The following FYN variants were observed in gnomAD, a reference collection of about 807,000 sequenced individuals.
The protein encoded by FYN is FYN proto-oncogene, Src family tyrosine kinase, also known as tyrosine-protein kinase Fyn.
In FYN, 10 loss-of-function variants were observed where a neutral mutation model predicts 70.2. That is an observed-to-expected ratio of 0.14 (90% CI 0.09 to 0.24). The LOEUF (loss-of-function observed/expected upper bound fraction) is 0.24, where lower values mean the gene tolerates loss of function less well. Among genes scored for constraint, FYN ranks in the 10% least tolerant of loss-of-function variants. The pLI is 1.00. For synonymous variants in FYN, 236 were observed against 248.6 expected (o/e 0.95, Z 0.48); for missense variants, 319 against 673.1 (o/e 0.47, Z 5.82).
At chr6:111,850,471 C>A (rs9384812) in intron 1 of FYN, among the ~76,000 whole-genome samples, 4,742 of 152,282 alleles carry the variant, frequency 0.031, 114 homozygotes, top group East Asian at 0.13. Flanking sequence ...ACCTCAGAAC[C>A]GTACGTGGAG....
chr6:111,821,941 C>T (rs1214744045), intron 2 of FYN, among the ~76,000 whole-genome samples: 6 of 149,582 alleles, frequency 4.0e-5, no homozygotes, highest in Non-Finnish European at 8.8e-5. Flanking sequence ...TACCATCTCA[C>T]ACCAGTCAGA....
At chr6:111,696,577 G>T in intron 9 of FYN, 121 bp from the exon 10 acceptor site, 1 of 734,692 alleles carries the variant, frequency 1.4e-6, no homozygotes, top group Non-Finnish European at 2.0e-6. Flanking sequence ...TACAGTTTTT[G>T]TTGAACAAAG....
At chr6:111,738,015 C>G (rs1003332637) in intron 3 of FYN, among the ~76,000 whole-genome samples, 1 of 152,174 alleles carries the variant, frequency 6.6e-6, no homozygotes, top group Non-Finnish European at 1.5e-5. Flanking sequence ...TCATTTTCAA[C>G]CTAAACAACA....
intron 3 of FYN, among the ~76,000 whole-genome samples, chr6:111,756,124 T>C (rs1452621117): frequency 6.6e-6 from 1 of 152,016 alleles, no homozygotes; most frequent in Non-Finnish European, 1.5e-5. Context: ...AATACAGAGA[T>C]GTTACAAATA....
chr6:111,798,076 C>T (rs1053863664), intron 2 of FYN, among the ~76,000 whole-genome samples: 3 of 152,062 alleles, frequency 2.0e-5, no homozygotes, highest in Non-Finnish European at 2.9e-5. Context: ...AGTTTAAATA[C>T]ATCTTAACAT....
At chr6:111,720,608 C>G (rs1231776649) in intron 3 of FYN, among the ~76,000 whole-genome samples, 1 of 152,028 alleles carries the variant, frequency 6.6e-6, no homozygotes, top group Non-Finnish European at 1.5e-5. Context: ...ATTTTAAGCA[C>G]TAAGATGATG....
chr6:111,762,879 G>T (rs1457940823), intron 3 of FYN, among the ~76,000 whole-genome samples: 3 of 151,946 alleles, frequency 2.0e-5, no homozygotes, highest in African/African-American at 7.3e-5. Flanking sequence ...GCATTCAAAT[G>T]GCTGGACACG....
At chr6:111,716,712 TATG>T (rs1800659610) in intron 4 of FYN, among the ~76,000 whole-genome samples, 2 of 151,698 alleles carry the variant, frequency 1.3e-5, no homozygotes. Context: ...TAAAAAAAAT[TATG>T]AAGAAAGATC....
At chr6:111,675,704 A>G (rs1393968683) in intron 12 of FYN, among the ~76,000 whole-genome samples, 1 of 152,074 alleles carries the variant, frequency 6.6e-6, no homozygotes, top group Non-Finnish European at 1.5e-5. Context: ...GAGGCGGGAG[A>G]ATCACTTGAA....
intron 3 of FYN, among the ~76,000 whole-genome samples, chr6:111,732,308 C>CT (rs1801501852): frequency 6.6e-6 from 1 of 152,184 alleles, no homozygotes; most frequent in African/African-American, 2.4e-5. Context: ...TACTGTTGTC[C>CT]TACAGAGTGA....
chr6:111,766,012 G>A (rs557938492), intron 3 of FYN, among the ~76,000 whole-genome samples: 18 of 152,294 alleles, frequency 1.2e-4, no homozygotes, highest in African/African-American at 4.3e-4. Flanking sequence ...GGCCTTTCTT[G>A]GGGGAATAAC....
chr6:111,667,609 G>T (rs1310813648), intron 13 of FYN, among the ~76,000 whole-genome samples: 1 of 152,154 alleles, frequency 6.6e-6, no homozygotes, highest in Non-Finnish European at 1.5e-5. Flanking sequence ...GCAGAGCACC[G>T]AAATAGATGT....
chr6:111,668,502 GA>G (rs140235658), intron 13 of FYN, among the ~76,000 whole-genome samples: 27,574 of 126,288 alleles, frequency 0.22, 3,298 homozygotes, highest in African/African-American at 0.37. Flanking sequence ...CTTTGTCCCA[GA>G]AAAAAAAAAA....
intron 2 of FYN, among the ~76,000 whole-genome samples, chr6:111,786,842 T>C: frequency 6.6e-6 from 1 of 152,278 alleles, no homozygotes; most frequent in Non-Finnish European, 1.5e-5. Flanking sequence ...TTCATGTGTC[T>C]GTTGGCTGCA....
intron 2 of FYN, among the ~76,000 whole-genome samples, chr6:111,820,505 C>A (rs1275069792): frequency 6.6e-6 from 1 of 151,946 alleles, no homozygotes; most frequent in African/African-American, 2.4e-5. Flanking sequence ...ATTAACTGTA[C>A]CTTATAAAAA....
chr6:111,788,126 C>T (rs760178836), intron 2 of FYN, among the ~76,000 whole-genome samples: 1 of 152,188 alleles, frequency 6.6e-6, no homozygotes, highest in Admixed American at 6.5e-5. Flanking sequence ...ATAAATCCCT[C>T]CCTGAAGTTC....
At chr6:111,858,688 T>C (rs1275984818) in intron 1 of FYN, among the ~76,000 whole-genome samples, 4 of 152,122 alleles carry the variant, frequency 2.6e-5, no homozygotes, top group East Asian at 1.9e-4. Flanking sequence ...CTTGAAGTGA[T>C]GGAATCCCTA....
At chr6:111,769,447 T>C (rs1450287533) in intron 3 of FYN, among the ~76,000 whole-genome samples, 1 of 152,206 alleles carries the variant, frequency 6.6e-6, no homozygotes, top group African/African-American at 2.4e-5. Context: ...ATAATTCAAG[T>C]AGTGGGGTCA....
chr6:111,692,143 C>T (rs983073244), intron 12 of FYN, among the ~76,000 whole-genome samples: 2 of 144,602 alleles, frequency 1.4e-5, no homozygotes, highest in Admixed American at 1.4e-4. Context: ...TTACTTCTTA[C>T]TTCTCTCTTT....
Sources: gnomAD v4.1 joint callset for allele counts (sites outside exome capture counted in the v4.1 genomes callset) on GRCh38, gnomAD v4.1.1 for gene constraint, MANE v1.5 for transcripts, NCBI Gene and HGNC (gene_info 2026-07-23, HGNC 2026-07-21) for gene names.